Variants in SLC44A1 observed in about 807,000 individuals in gnomAD.
The protein encoded by SLC44A1 is solute carrier family 44 member 1.
A neutral mutation model predicts 79.3 loss-of-function variants in SLC44A1; 26 were observed. The ratio of observed to expected loss-of-function variants is 0.33; its 90% CI spans 0.24 to 0.46. The LOEUF (loss-of-function observed/expected upper bound fraction) is 0.46. SLC44A1 is among the 20% of genes least tolerant of loss of function. SLC44A1 has a pLI of 1.00. For missense variants in SLC44A1, 688 were observed against 798.1 expected, an observed-to-expected ratio of 0.86 and a Z score of 1.66; for synonymous variants, 263 against 286.2, an observed-to-expected ratio of 0.92 and a Z score of 0.82.
chr9:105,382,731 A>G (rs577812157), intron 13 of SLC44A1, among the ~76,000 whole-genome samples: 1 of 152,062 alleles, frequency 6.6e-6, no homozygotes, highest in Non-Finnish European at 1.5e-5. Flanking sequence ...GAAAATGCTT[A>G]GAAAAAATAC....
In SLC44A1 at chr9:105,315,083, G is replaced by T. The variant is rs530261407; in HGVS notation, c.269+5217G>T. Among the ~76,000 whole-genome samples the T allele has an allele frequency of 2.0e-5, 3 of 151,926 alleles. No homozygotes were observed. The East Asian group carries it at 5.8e-4, about 30-fold the overall frequency. The stretch of plus-strand genomic sequence containing the variant: ...GCTTTGGGAGTTTCTCCCTCCTAAC[G>T]TTTAAAGATGAAAGAAATTTTTAGG... On this transcript the variant is annotated intron_variant, in intron 3 of 15. Coordinates refer to ENST00000374720, the MANE Select transcript of SLC44A1 (RefSeq NM_080546.5).
intron 13 of SLC44A1, among the ~76,000 whole-genome samples, chr9:105,378,364 C>T (rs1401317412): frequency 2.6e-5 from 4 of 152,206 alleles, no homozygotes; most frequent in African/African-American, 9.7e-5. Context: ...TATGGTTATA[C>T]AACTGTTGTG....
chr9:105,386,951 A>C (rs954369912), intron 15 of SLC44A1, among the ~76,000 whole-genome samples: 1 of 145,940 alleles, frequency 6.9e-6, no homozygotes, highest in Non-Finnish European at 1.5e-5. Flanking sequence ...AAGCAGGAGA[A>C]TTGCTTGAAC....
rs1275488708 is a variant in SLC44A1 at position 105,309,671 on chromosome 9, C to T, written c.127-53C>T. 29 of 1,543,104 alleles carry T rather than the reference C, an allele frequency of 1.9e-5. 1 individual carries two copies. The South Asian group carries it at 3.3e-4, about 17-fold the overall frequency. On this transcript the variant is annotated intron_variant, in intron 2 of 15. Transcript: ENST00000374720. ...AGCTCATTATCGTATCAACTAGTGA[C>T]TGTTGGCTATTGAAATGGTTTATTT...
chr9:105,397,959 A>AAAAGAAAAAAAG (rs1564051750), downstream of SLC44A1, among the ~76,000 whole-genome samples: 4 of 151,522 alleles, frequency 2.6e-5, no homozygotes, highest in Non-Finnish European at 5.9e-5. Flanking sequence ...GAAAAAAAAA[A>AAAAGAAAAAAAG]AAAAGAAAAA....
chr9:105,275,029 TAAC>T (rs201457392), intron 1 of SLC44A1, among the ~76,000 whole-genome samples: 1,803 of 152,346 alleles, frequency 0.012, 18 homozygotes, highest in Non-Finnish European at 0.018. Flanking sequence ...TTTAAATTCT[TAAC>T]AATAATGATA....
intron 15 of SLC44A1, among the ~76,000 whole-genome samples, chr9:105,413,429 C>T (rs1375666740): frequency 1.3e-5 from 2 of 152,198 alleles, no homozygotes; most frequent in African/African-American, 4.8e-5. Context: ...TCCTGGTTTT[C>T]CCCTTCTCTG....
At chr9:105,328,518 G>C (rs1476756891) in intron 3 of SLC44A1, among the ~76,000 whole-genome samples, 1 of 152,166 alleles carries the variant, frequency 6.6e-6, no homozygotes, top group African/African-American at 2.4e-5. Flanking sequence ...ACAGAAAGGA[G>C]ACCAGTGGGA....
At chr9:105,316,227 AAG>A (rs780974521) in intron 3 of SLC44A1, among the ~76,000 whole-genome samples, 1 of 152,252 alleles carries the variant, frequency 6.6e-6, no homozygotes, top group South Asian at 2.1e-4. Flanking sequence ...AAGCGTTTTG[AAG>A]AGAGAGGTGT....
intron 15 of SLC44A1, among the ~76,000 whole-genome samples, chr9:105,421,417 TAGAGGTCAG>T (rs1180253565): frequency 6.6e-6 from 1 of 152,140 alleles, no homozygotes; most frequent in African/African-American, 2.4e-5. Flanking sequence ...GTTATATTAC[TAGAGGTCAG>T]AGAGCCTCTG....
intron 15 of SLC44A1, among the ~76,000 whole-genome samples, chr9:105,405,380 C>T (rs1483484730): frequency 6.6e-6 from 1 of 151,270 alleles, no homozygotes; most frequent in East Asian, 1.9e-4. Context: ...CAGGAAATTC[C>T]AAAACTCCAT....
intron 1 of SLC44A1, among the ~76,000 whole-genome samples, chr9:105,272,995 T>G (rs1252418777): frequency 6.6e-6 from 1 of 151,874 alleles, no homozygotes; most frequent in Non-Finnish European, 1.5e-5. Flanking sequence ...ATATATAATT[T>G]TTTTTTTCTT....
intron 3 of SLC44A1, among the ~76,000 whole-genome samples, chr9:105,332,631 T>A (rs1826787502): frequency 6.6e-6 from 1 of 152,232 alleles, no homozygotes; most frequent in Non-Finnish European, 1.5e-5. Context: ...CTGTTCTTGT[T>A]TTCTTTGTGC....
intron 4 of SLC44A1, 40 bp downstream of exon 4, chr9:105,335,739 T>G: frequency 6.4e-7 from 1 of 1,565,806 alleles, no homozygotes; most frequent in East Asian, 2.3e-5. Context: ...CCTGTCACCT[T>G]GTTCTCTTTG....
At chr9:105,256,459 C>A (rs955273784) in intron 1 of SLC44A1, among the ~76,000 whole-genome samples, 1 of 152,104 alleles carries the variant, frequency 6.6e-6, no homozygotes, top group African/African-American at 2.4e-5. Flanking sequence ...AGTAGTGTTT[C>A]AGGGCTAATA....
chr9:105,364,782 A>G, intron 10 of SLC44A1, 62 bp downstream of exon 10: 2 of 1,364,956 alleles, frequency 1.5e-6, no homozygotes, highest in Non-Finnish European at 2.0e-6. Flanking sequence ...CGCAGGCTGG[A>G]GGGGAAGGGA....
rs1469017681 is a variant in SLC44A1, at chr9:105,362,984, C to A, written c.1064C>A (p.Thr355Lys). ...TTGTTTTGGGTGTACTGGATCATGA[C>A]ACTTCTTTTTCTTGGCACTACCGGT... ...LVLFWVYWIM[T>K]LLFLGTTGSP... Residue 355 changes from threonine to lysine, a missense_variant, in exon 9 of 16, where the codon ACA becomes AAA. Physicochemically the swap from Thr to Lys is moderately conservative, Grantham distance 78. Coordinates refer to ENST00000374720, the MANE Select transcript of SLC44A1 (RefSeq NM_080546.5). 1 of 1,608,432 alleles carries A rather than the reference C, an allele frequency of 6.2e-7. No homozygotes were observed. The highest frequency in any genetic ancestry group is 8.5e-7 in the Non-Finnish European group (1 of 1,178,334).
intron 1 of SLC44A1, among the ~76,000 whole-genome samples, chr9:105,271,707 A>G (rs1564406520): frequency 6.6e-6 from 1 of 152,052 alleles, no homozygotes; most frequent in Admixed American, 6.6e-5. Flanking sequence ...TCCACCTCCC[A>G]GGTTCAAGTG....
At chr9:105,335,425 T>C (rs1003710411) in intron 3 of SLC44A1, 138 bp from the exon 4 acceptor site, 2 of 559,244 alleles carry the variant, frequency 3.6e-6, no homozygotes, top group Non-Finnish European at 5.9e-6. Flanking sequence ...AGCAATTTTT[T>C]TAAAATGTAT....
Sources: gnomAD v4.1 joint callset for allele counts (sites outside exome capture counted in the v4.1 genomes callset) on GRCh38, gnomAD v4.1.1 for gene constraint, MANE v1.5 for transcripts, NCBI Gene and HGNC (gene_info 2026-07-23, HGNC 2026-07-21) for gene names.